TACR3: variants seen among roughly 807,000 people sequenced by gnomAD.
The protein encoded by TACR3 is tachykinin receptor 3, also known as neuromedin-K receptor.
Under a neutral mutation model 35.0 loss-of-function variants are expected in TACR3, and 34 were observed. That is an observed-to-expected ratio of 0.97 (90% CI 0.74 to 1.30). TACR3 has a LOEUF of 1.30. TACR3 is among the 50% of genes most tolerant of loss of function. The pLI is 0.00. For missense variants in TACR3, 558 were observed against 591.7 expected (o/e 0.94, Z 0.59); for synonymous variants, 233 against 221.1 (o/e 1.05, Z -0.48).
intron 1 of TACR3, among the ~76,000 whole-genome samples, chr4:103,660,999 T>G (rs1201192256): frequency 6.6e-6 from 1 of 152,002 alleles, no homozygotes; most frequent in Non-Finnish European, 1.5e-5. Flanking sequence ...GCTTAAAAGA[T>G]TATGGGAATT....
At chr4:103,607,178 A>G (rs986451603) in intron 3 of TACR3, among the ~76,000 whole-genome samples, 3 of 151,964 alleles carry the variant, frequency 2.0e-5, no homozygotes, top group African/African-American at 7.3e-5. Flanking sequence ...TAGACTTAGC[A>G]AATCATACTT....
intron 1 of TACR3, among the ~76,000 whole-genome samples, chr4:103,685,681 A>T (rs1178478314): frequency 6.6e-6 from 1 of 152,200 alleles, no homozygotes; most frequent in Non-Finnish European, 1.5e-5. Flanking sequence ...TCTCAGAAAG[A>T]TGGTGTGAGG....
intron 3 of TACR3, among the ~76,000 whole-genome samples, chr4:103,641,006 AT>A (rs1249780870): frequency 1.3e-5 from 2 of 151,686 alleles, no homozygotes; most frequent in African/African-American, 4.8e-5. Context: ...CTTTCCCCTT[AT>A]TTTTTCTTCT....
At chr4:103,650,556 AATAAAATAAATAT>A (rs1438350048) in intron 3 of TACR3, among the ~76,000 whole-genome samples, 1 of 88,364 alleles carries the variant, frequency 1.1e-5, no homozygotes, top group Non-Finnish European at 2.1e-5. Context: ...AAATAAATTT[AATAAAATAAATAT>A]ATAAAATAAA....
At chr4:103,698,294 A>G (rs1001263325) in intron 1 of TACR3, among the ~76,000 whole-genome samples, 18 of 152,134 alleles carry the variant, frequency 1.2e-4, no homozygotes, top group Non-Finnish European at 2.4e-4. Context: ...CTTCATTTAT[A>G]CACCTGGGAT....
chr4:103,715,004 C>T (rs914260176), intron 1 of TACR3, among the ~76,000 whole-genome samples: 7 of 152,086 alleles, frequency 4.6e-5, no homozygotes, highest in Admixed American at 4.6e-4. Context: ...GCATAGAAGA[C>T]CAATTTTTAT....
chr4:103,620,829 T>G (rs2110303699), intron 3 of TACR3, among the ~76,000 whole-genome samples: 1 of 152,294 alleles, frequency 6.6e-6, no homozygotes, highest in Non-Finnish European at 1.5e-5. Flanking sequence ...AGACATCAAC[T>G]TCACACAATA....
intron 1 of TACR3, among the ~76,000 whole-genome samples, chr4:103,673,055 A>G (rs1052099165): frequency 6.6e-6 from 1 of 152,176 alleles, no homozygotes; most frequent in African/African-American, 2.4e-5. Context: ...ATAGCATTGA[A>G]AAGAGCTAGA....
intron 1 of TACR3, among the ~76,000 whole-genome samples, chr4:103,672,440 AAAC>A (rs1475622834): frequency 6.6e-6 from 1 of 152,176 alleles, no homozygotes; most frequent in Non-Finnish European, 1.5e-5. Flanking sequence ...GCAGACATGA[AAAC>A]AACATTAATC....
intron 1 of TACR3, among the ~76,000 whole-genome samples, chr4:103,706,581 A>C (rs528224611): frequency 6.1e-4 from 93 of 152,312 alleles, no homozygotes; most frequent in Non-Finnish European, 1.2e-3. Context: ...TGTACTATAC[A>C]TGAGTGCATA....
At chr4:103,603,186 C>A (rs1321295193) in intron 3 of TACR3, among the ~76,000 whole-genome samples, 3 of 152,218 alleles carry the variant, frequency 2.0e-5, no homozygotes, top group Non-Finnish European at 2.9e-5. Flanking sequence ...GGCGTAGGAC[C>A]CTCCTAGCCA....
intron 1 of TACR3, among the ~76,000 whole-genome samples, chr4:103,688,334 A>T (rs534760001): frequency 6.6e-6 from 1 of 152,334 alleles, no homozygotes; most frequent in Admixed American, 6.5e-5. Flanking sequence ...GGACACTGGC[A>T]TGGGCAAGGA....
Position 103,587,851 on chromosome 4 carries a change from C to T in TACR3, c.*1831G>A, listed in dbSNP as rs1723805223. 1 of 152,056 alleles carries T rather than the reference C, an allele frequency of 6.6e-6. No homozygotes were observed. Among genetic ancestry groups the T allele is most frequent in the South Asian group, 2.1e-4 (1 of 4,826 alleles). 9.4% of individuals were successfully genotyped at this position (152,056 alleles called of 1,614,324 possible). ...TAAATTTGCTTATTTAAAACATGCA[C>T]ACAAGCTTCACAGACTTTATTGAGC... On this transcript the variant is annotated 3_prime_UTR_variant, in exon 5 of 5. Transcript: ENST00000304883.
chr4:103,650,191 TC>T (rs1725557519), intron 3 of TACR3, among the ~76,000 whole-genome samples: 1 of 151,778 alleles, frequency 6.6e-6, no homozygotes, highest in Non-Finnish European at 1.5e-5. Flanking sequence ...CCAAATATAG[TC>T]CCTTTTCCTG....
At chr4:103,693,352 A>G (rs1722446816) in intron 1 of TACR3, among the ~76,000 whole-genome samples, 2 of 152,190 alleles carry the variant, frequency 1.3e-5, no homozygotes, top group Non-Finnish European at 2.9e-5. Flanking sequence ...GCAGACACAC[A>G]GAGGTGAAGC....
intron 1 of TACR3, among the ~76,000 whole-genome samples, chr4:103,712,452 A>G (rs935052454): frequency 1.2e-4 from 19 of 152,328 alleles, no homozygotes; most frequent in Non-Finnish European, 2.2e-4. Flanking sequence ...TCCCTTCCTT[A>G]CACCTTATAC....
At position 103,614,261 on chromosome 4, in the gene TACR3, A is replaced by G. The variant is rs112541948; in HGVS notation, c.889-22578T>C. Among the ~76,000 whole-genome samples, 904 of 152,302 alleles carry G rather than the reference A, an allele frequency of 5.9e-3. 7 individuals carry two copies. The highest frequency in any genetic ancestry group is 0.02 in the African/African-American group (846 of 41,558). ...CTTTTTCTTTCTCTCTCTGGTAATC[A>G]TCATAATAGTTTTTTAATAGGAAAG... On this transcript the variant is annotated intron_variant, in intron 3 of 4. Coordinates refer to ENST00000304883, the MANE Select transcript of TACR3 (RefSeq NM_001059.3).
chr4:103,701,981 T>C (rs1287464310), intron 1 of TACR3, among the ~76,000 whole-genome samples: 1 of 152,122 alleles, frequency 6.6e-6, no homozygotes, highest in Non-Finnish European at 1.5e-5. Flanking sequence ...ATTCAGGACA[T>C]AGGCACGGGC....
intron 3 of TACR3, among the ~76,000 whole-genome samples, chr4:103,632,583 G>C (rs1017578404): frequency 3.3e-5 from 5 of 151,868 alleles, no homozygotes; most frequent in African/African-American, 1.2e-4. Flanking sequence ...GGGTCAATAG[G>C]TGCAGCAAAC....
Sources: allele counts gnomAD v4.1 joint callset (sites outside exome capture counted in the v4.1 genomes callset), GRCh38; gene constraint gnomAD v4.1.1; transcripts MANE v1.5; gene names NCBI Gene and HGNC (gene_info 2026-07-23, HGNC 2026-07-21).